AGBL4: variants seen among roughly 807,000 people sequenced by gnomAD.
AGBL4 encodes the protein AGBL carboxypeptidase 4.
A neutral mutation model predicts 66.4 loss-of-function variants in AGBL4; 58 were observed. The observed-to-expected ratio is 0.87, with a 90% CI of 0.71 to 1.09. The LOEUF (loss-of-function observed/expected upper bound fraction) is 1.09. Ranked by LOEUF, AGBL4 falls within the 50% of genes least tolerant of loss-of-function variation. The pLI, the probability that AGBL4 is intolerant of heterozygous loss-of-function variation, is 0.00. For missense variants in AGBL4, 579 were observed against 631.0 expected, an observed-to-expected ratio of 0.92 and a Z score of 0.88; for synonymous variants, 234 against 222.9, an observed-to-expected ratio of 1.05 and a Z score of -0.44.
At chr1:49,175,463 T>C (rs1244116845) in intron 4 of AGBL4, among the ~76,000 whole-genome samples, 1 of 152,058 alleles carries the variant, frequency 6.6e-6, no homozygotes, top group Non-Finnish European at 1.5e-5. Context: ...ATTGATAAGG[T>C]CTAGAATATG....
intron 2 of AGBL4, among the ~76,000 whole-genome samples, chr1:49,839,256 TAGA>T (rs1468761181): frequency 1.3e-5 from 2 of 152,140 alleles, no homozygotes; most frequent in Non-Finnish European, 2.9e-5. Flanking sequence ...TATATTATAA[TAGA>T]AGTTCAGATT....
chr1:49,642,275 T>C (rs1369370725), intron 3 of AGBL4, among the ~76,000 whole-genome samples: 4 of 151,988 alleles, frequency 2.6e-5, no homozygotes, highest in African/African-American at 4.8e-5. Flanking sequence ...AACAATGGTT[T>C]TAAAGACATT....
chr1:49,431,417 T>C (rs183329159), intron 3 of AGBL4, among the ~76,000 whole-genome samples: 172 of 152,308 alleles, frequency 1.1e-3, no homozygotes, highest in African/African-American at 4.1e-3. Flanking sequence ...ATAATCTAGA[T>C]GTGTCACACT....
chr1:49,678,390 T>TA (rs1418584012), intron 3 of AGBL4, among the ~76,000 whole-genome samples: 2 of 152,154 alleles, frequency 1.3e-5, no homozygotes, highest in Non-Finnish European at 2.9e-5. Flanking sequence ...TTATCATTTC[T>TA]TTTGATCTTT....
intron 6 of AGBL4, among the ~76,000 whole-genome samples, chr1:48,788,181 G>T (rs980202702): frequency 4.6e-5 from 7 of 152,226 alleles, no homozygotes; most frequent in African/African-American, 1.7e-4. Context: ...CTGAGACAAG[G>T]CATGTAAAGT....
At chr1:49,436,947 G>A (rs1645917083) in intron 3 of AGBL4, among the ~76,000 whole-genome samples, 1 of 152,116 alleles carries the variant, frequency 6.6e-6, no homozygotes, top group African/African-American at 2.4e-5. Context: ...CCAACCTAAT[G>A]CAGTAACAAA....
chr1:49,534,663 G>C (rs903813603), intron 3 of AGBL4, among the ~76,000 whole-genome samples: 2 of 152,210 alleles, frequency 1.3e-5, no homozygotes, highest in African/African-American at 4.8e-5. Flanking sequence ...GCAGGTATGA[G>C]AGCCCTGGGT....
chr1:49,327,617 G>T (rs1645251948), intron 3 of AGBL4, among the ~76,000 whole-genome samples: 1 of 152,182 alleles, frequency 6.6e-6, no homozygotes. Flanking sequence ...TCACATAGTG[G>T]AACAGACAGA....
rs116523661 is a variant in AGBL4, at chr1:48,692,521, C to T, written c.635-29280G>A. 3.6e-3 allele frequency among the ~76,000 whole-genome samples: 545 copies of T among 152,226 alleles called. 2 individuals are homozygous for T. The highest frequency in any genetic ancestry group is 0.012 in the African/African-American group (507 of 41,540). On this transcript the variant is annotated intron_variant, in intron 6 of 13. Coordinates refer to ENST00000371839, the MANE Select transcript of AGBL4 (RefSeq NM_032785.4). ...CGTGGGCTGGCCACCCCCAACGGAA[C>T]CATAAGGGGAGTAAACAGTCTGTTT... is the stretch of plus-strand genomic sequence containing the variant.
At chr1:48,630,185 G>C (rs1221296645) in intron 9 of AGBL4, among the ~76,000 whole-genome samples, 2 of 152,184 alleles carry the variant, frequency 1.3e-5, no homozygotes, top group African/African-American at 2.4e-5. Context: ...TTGTTTTCAA[G>C]ATCATCATTT....
intron 5 of AGBL4, among the ~76,000 whole-genome samples, chr1:48,968,490 G>T (rs919840819): frequency 5.3e-5 from 8 of 152,160 alleles, no homozygotes; most frequent in African/African-American, 1.7e-4. Context: ...GACTGAAGAT[G>T]ATTGGGGCTT....
intron 6 of AGBL4, among the ~76,000 whole-genome samples, chr1:48,790,720 T>C (rs1288887797): frequency 1.3e-5 from 2 of 152,224 alleles, no homozygotes; most frequent in East Asian, 3.9e-4. Context: ...ATCATAAGGG[T>C]TCTGCCCTCA....
chr1:49,175,578 T>C (rs1424578987), intron 4 of AGBL4, among the ~76,000 whole-genome samples: 2 of 152,124 alleles, frequency 1.3e-5, no homozygotes, highest in African/African-American at 4.8e-5. Flanking sequence ...GGAGTAGTGA[T>C]AAGAACATCG....
intron 1 of AGBL4, among the ~76,000 whole-genome samples, chr1:49,928,415 T>C (rs925972468): frequency 3.9e-5 from 6 of 152,040 alleles, no homozygotes; most frequent in Non-Finnish European, 1.5e-5. Context: ...TGTGCCCAGC[T>C]AGTTTTTGTA....
intron 4 of AGBL4, among the ~76,000 whole-genome samples, chr1:49,175,525 T>C (rs1358718502): frequency 1.3e-5 from 2 of 152,090 alleles, no homozygotes; most frequent in Non-Finnish European, 2.9e-5. Context: ...TGAATGAAGA[T>C]CAACATTCAT....
intron 9 of AGBL4, among the ~76,000 whole-genome samples, chr1:48,603,995 C>T (rs1418073703): frequency 6.6e-6 from 1 of 151,944 alleles, no homozygotes; most frequent in Non-Finnish European, 1.5e-5. Context: ...ATTAGCTGGG[C>T]ATGGTGGCAC....
chr1:48,641,398 A>G (rs1044734923), intron 8 of AGBL4, among the ~76,000 whole-genome samples: 2 of 152,118 alleles, frequency 1.3e-5, no homozygotes, highest in African/African-American at 2.4e-5. Context: ...TCCCATCACC[A>G]CCACCAAGAT....
intron 1 of AGBL4, chr1:49,995,981 C>A (rs1572030922): frequency 6.6e-6 from 1 of 152,432 alleles, no homozygotes; most frequent in East Asian, 1.9e-4. Context: ...TGCAGTCCAG[C>A]TCTCAGGAAG....
At chr1:49,042,653 A>C (rs1643973382) in intron 5 of AGBL4, among the ~76,000 whole-genome samples, 1 of 152,198 alleles carries the variant, frequency 6.6e-6, no homozygotes, top group East Asian at 1.9e-4. Flanking sequence ...AGGATGACAG[A>C]GAAGAAAGCT....
Sources: gnomAD v4.1 joint callset for allele counts (sites outside exome capture counted in the v4.1 genomes callset) on GRCh38, gnomAD v4.1.1 for gene constraint, MANE v1.5 for transcripts, NCBI Gene and HGNC (gene_info 2026-07-23, HGNC 2026-07-21) for gene names.